RSL24D1: variants seen among roughly 807,000 people sequenced by gnomAD.
RSL24D1 encodes probable ribosome biogenesis protein RLP24.
In RSL24D1, 6 loss-of-function variants were observed where a neutral mutation model predicts 26.2. The observed-to-expected ratio is 0.23, with a 90% CI of 0.13 to 0.45. RSL24D1 has a LOEUF of 0.45. Among genes scored for constraint, RSL24D1 ranks in the 20% least tolerant of loss-of-function variants. The probability of loss-of-function intolerance (pLI) is 0.99; values close to 1 mark genes in which losing one functional copy is unlikely to be tolerated. For missense variants in RSL24D1, 176 were observed against 202.6 expected (o/e 0.87, Z 0.80); for synonymous variants, 61 against 59.1 (o/e 1.03, Z -0.15).
Position 55,191,057 on chromosome 15 carries a change from G to A in RSL24D1, c.196-10C>T. ...ATTCAAATGAATTATCCTGTAAGAG[G>A]GAACAGAGGAGATAAAAATAAGGTT... On this transcript the variant is annotated splice_polypyrimidine_tract_variant and intron_variant, in intron 2 of 5. Coordinates refer to ENST00000260443, the MANE Select transcript of RSL24D1 (RefSeq NM_016304.3). 1.3e-6 allele frequency: 2 copies of A among 1,553,492 alleles called. No individual in the cohort carries two copies. Among genetic ancestry groups the A allele is most frequent in the Non-Finnish European group, 1.7e-6 (2 of 1,146,238 alleles).
intron 1 of RSL24D1, among the ~76,000 whole-genome samples, chr15:55,194,837 CAAT>C (rs1434188977): frequency 1.4e-5 from 2 of 138,124 alleles, no homozygotes; most frequent in South Asian, 2.3e-4. Flanking sequence ...CACACACACA[CAAT>C]GTTAATCTCC....
rs1278330787 is a variant in RSL24D1 at position 55,181,953 on chromosome 15, A to G, written c.*199T>C. Reference sequence around the variant, plus strand: ...GAATTTTCATGATTTACTTAAGTACATCTATCAGTAAAGATTTAACACTGA... The same window carrying G: ...GAATTTTCATGATTTACTTAAGTACGTCTATCAGTAAAGATTTAACACTGA... On this transcript the variant is annotated 3_prime_UTR_variant, in exon 6 of 6. Transcript: ENST00000260443. 1 of 500,552 alleles carries G rather than the reference A, an allele frequency of 2.0e-6. No homozygotes were observed. Among genetic ancestry groups the G allele is most frequent in the African/African-American group, 1.9e-5 (1 of 52,122 alleles). 31.0% of individuals were successfully genotyped at this position (500,552 alleles called of 1,614,324 possible). A position where few individuals can be genotyped will look rare whatever the true frequency, so the allele number is the denominator to read the frequency against.
intron 1 of RSL24D1, among the ~76,000 whole-genome samples, chr15:55,194,549 T>C (rs893530128): frequency 8.5e-5 from 13 of 152,154 alleles, no homozygotes; most frequent in African/African-American, 2.9e-4. Flanking sequence ...TGATCCCCCA[T>C]ACCTTGGACT....
chr15:55,183,108 C>T (rs1352786629), intron 5 of RSL24D1, among the ~76,000 whole-genome samples: 1 of 152,062 alleles, frequency 6.6e-6, no homozygotes, highest in African/African-American at 2.4e-5. Context: ...GGATATGGAA[C>T]ATAGAATTCA....
intron 1 of RSL24D1, 62 bp downstream of exon 1, chr15:55,196,748 G>T: frequency 1.3e-6 from 2 of 1,542,574 alleles, no homozygotes; most frequent in Non-Finnish European, 9.0e-7. Flanking sequence ...CCAGCACCGA[G>T]CCGCCGCGCC....
rs1007601489 is a variant in RSL24D1, at chr15:55,190,906, C to CA, written c.268+68dup. 14 of 967,602 alleles carry CA rather than the reference C, an allele frequency of 1.4e-5. No homozygotes were observed. In the African/African-American group the frequency reaches 2.2e-4, roughly 15 times the overall value. The allele number at this position is 967,602 out of a possible 1,614,324, so 59.9% of individuals were successfully genotyped here. On this transcript the variant is annotated intron_variant, in intron 3 of 5. Transcript: ENST00000260443. ...ATTCAATATTTAAACAACAAACTGA[C>CA]ACTTAAAGTTATAGTATTATCCCAA...
At chr15:55,185,095 T>A (rs1388418347) in intron 4 of RSL24D1, among the ~76,000 whole-genome samples, 1 of 152,168 alleles carries the variant, frequency 6.6e-6, no homozygotes, top group Non-Finnish European at 1.5e-5. Context: ...CATACTGTGT[T>A]TATTTAAGAG....
rs1894169747 is a variant in RSL24D1, at chr15:55,181,800, AAT to A, written c.*350_*351del. ...ACAAAGGGAATATTTTACTGCAAAG[AAT>A]ATTTTATTTTATACATCACTAGCCA... is the stretch of plus-strand genomic sequence containing the variant. On this transcript the variant is annotated 3_prime_UTR_variant, in exon 6 of 6. Transcript: ENST00000260443. 1.1e-5 allele frequency: 2 copies of A among 175,594 alleles called. No homozygotes were observed. 10.9% of individuals were successfully genotyped at this position (175,594 alleles called of 1,614,324 possible).
chr15:55,189,446 G>A (rs115707966), intron 3 of RSL24D1, among the ~76,000 whole-genome samples: 2 of 152,112 alleles, frequency 1.3e-5, no homozygotes, highest in African/African-American at 4.8e-5. Flanking sequence ...GACCCAAAGG[G>A]TACAATAATT....
chr15:55,190,025 A>G (rs1033991521), intron 3 of RSL24D1, among the ~76,000 whole-genome samples: 3 of 152,180 alleles, frequency 2.0e-5, no homozygotes, highest in African/African-American at 7.2e-5. Context: ...AGGTGGGAGG[A>G]TCACTTGAGG....
chr15:55,195,125 C>T (rs1308000291), intron 1 of RSL24D1, among the ~76,000 whole-genome samples: 1 of 151,584 alleles, frequency 6.6e-6, no homozygotes, highest in East Asian at 1.9e-4. Context: ...AAAGACACCA[C>T]TATCTTTGCA....
At position 55,182,224 on chromosome 15, in the gene RSL24D1, G is replaced by A. The variant is rs778288140; in HGVS notation, c.420C>T (p.Gly140=). ...NIHLIRAPLA[G]KGKQLEEKMV... is the part of the protein sequence containing the mutation. ...TTTTCTCTTCCAACTGTTTCCCTTT[G>A]CCTTTAATAAAAATAAGTAAAAAAT... The change falls in exon 6 of 6, where the codon GGC becomes GGT. Residue 140 remains glycine, a splice_region_variant and synonymous_variant. Coordinates refer to ENST00000260443, the MANE Select transcript of RSL24D1 (RefSeq NM_016304.3). 6.3e-7 allele frequency: 1 copy of A among 1,592,476 alleles called. No individual in the cohort carries two copies. The highest frequency in any genetic ancestry group is 1.1e-5 in the South Asian group (1 of 90,358).
chr15:55,192,550 A>G (rs1253823478), intron 2 of RSL24D1, 170 bp downstream of exon 2: 9 of 454,232 alleles, frequency 2.0e-5, no homozygotes, highest in Non-Finnish European at 3.2e-5. Flanking sequence ...ACAGAATTAC[A>G]GTTTTAAGGA....
chr15:55,192,772 T>C lies in RSL24D1; in HGVS notation c.143A>G (p.Lys48Arg). 1 of 1,614,008 alleles carries C rather than the reference T, an allele frequency of 6.2e-7. No individual in the cohort carries two copies. The highest frequency in any genetic ancestry group is 1.1e-5 in the South Asian group (1 of 91,082). Reference sequence around the variant, plus strand: ...CCGGAATGCTTTGGTCCACCTAACTTTGCGAGGATTGCGCTTCTTTTTAAA... The same window carrying C: ...CCGGAATGCTTTGGTCCACCTAACTCTGCGAGGATTGCGCTTCTTTTTAAA... ...KNFKKKRNPR[K>R]VRWTKAFRKA... The change falls in exon 2 of 6, where the codon AAA (lysine) becomes AGA (arginine). Residue 48 changes from lysine to arginine, a missense_variant. Lys to Arg is a conservative substitution (Grantham distance 26). Transcript: ENST00000260443.
At chr15:55,185,809 C>T (rs1012793868) in intron 3 of RSL24D1, among the ~76,000 whole-genome samples, 9 of 152,146 alleles carry the variant, frequency 5.9e-5, no homozygotes, top group African/African-American at 2.2e-4. Flanking sequence ...GTTATGAACA[C>T]TTAAAAGTGC....
intron 3 of RSL24D1, among the ~76,000 whole-genome samples, chr15:55,189,637 A>G (rs1362053803): frequency 6.6e-6 from 1 of 152,118 alleles, no homozygotes; most frequent in Non-Finnish European, 1.5e-5. Context: ...ATCAGCTATC[A>G]TTAGTGTTAG....
At chr15:55,190,902 C>T (rs1462049573) in intron 3 of RSL24D1, 73 bp downstream of exon 3, 7 of 942,998 alleles carry the variant, frequency 7.4e-6, no homozygotes, top group Non-Finnish European at 9.9e-6. Flanking sequence ...AAACAACAAA[C>T]TGACACTTAA....
At chr15:55,188,949 T>C (rs1343182748) in intron 3 of RSL24D1, among the ~76,000 whole-genome samples, 1 of 152,172 alleles carries the variant, frequency 6.6e-6, no homozygotes, top group African/African-American at 2.4e-5. Context: ...CCCAGCACTT[T>C]GGGAGGCCAA....
intron 4 of RSL24D1, among the ~76,000 whole-genome samples, chr15:55,185,092 TGTTTATTTAA>T (rs2140590535): frequency 6.6e-6 from 1 of 152,278 alleles, no homozygotes; most frequent in East Asian, 1.9e-4. Flanking sequence ...AACCATACTG[TGTTTATTTAA>T]GAGAATGTTC....
Sources: gnomAD v4.1 joint callset for allele counts (sites outside exome capture counted in the v4.1 genomes callset) on GRCh38, gnomAD v4.1.1 for gene constraint, MANE v1.5 for transcripts, NCBI Gene and HGNC (gene_info 2026-07-23, HGNC 2026-07-21) for gene names.